ZFAT: variants seen among roughly 807,000 people sequenced by gnomAD.
ZFAT encodes the protein zinc finger and AT-hook domain containing, also known as zinc finger protein ZFAT.
ZFAT carries 64 observed loss-of-function variants against 117.7 expected under a neutral mutation model. That is an observed-to-expected ratio of 0.54 (90% CI 0.44 to 0.67). The LOEUF (loss-of-function observed/expected upper bound fraction) is 0.67. ZFAT is among the 30% of genes least tolerant of loss of function. ZFAT has a pLI of 0.00. For missense variants in ZFAT, 1,433 were observed against 1,584.5 expected (o/e 0.90, Z 1.62); for synonymous variants, 679 against 615.0 (o/e 1.10, Z -1.54).
rs112874975 is a variant in ZFAT at position 134,565,199 on chromosome 8, C to A, written c.2976+134G>T. The A allele has an allele frequency of 2.3e-3, 3,554 of 1,540,208 alleles. 73 individuals carry two copies. The African/African-American group carries it at 0.042, about 18-fold the overall frequency. ...AAGCTGCACTATGCCTCAGACTCCA[C>A]GTGTACCAGCTAAGGGGGCCCCAAA... On this transcript the variant is annotated intron_variant, in intron 11 of 15. Coordinates refer to ENST00000377838, the MANE Select transcript of ZFAT (RefSeq NM_020863.4).
At chr8:134,631,149 A>G (rs1428831296) in intron 3 of ZFAT, among the ~76,000 whole-genome samples, 1 of 152,230 alleles carries the variant, frequency 6.6e-6, no homozygotes, top group Non-Finnish European at 1.5e-5. Context: ...AATCAATGGA[A>G]TAGGAGGCCA....
chr8:134,725,006 C>A, the ZFAT span, among the ~76,000 whole-genome samples: 16 of 152,302 alleles, frequency 1.1e-4, no homozygotes, highest in Admixed American at 4.6e-4. Flanking sequence ...CTCCCTGGGG[C>A]CTTGCTTGAG....
At chr8:134,569,997 A>C (rs1260303962) in intron 10 of ZFAT, among the ~76,000 whole-genome samples, 1 of 152,014 alleles carries the variant, frequency 6.6e-6, no homozygotes, top group Admixed American at 6.5e-5. Context: ...CCAGAGCAAA[A>C]GCCAAGAGCT....
At chr8:134,739,355 A>T in the ZFAT span, among the ~76,000 whole-genome samples, 41 of 152,058 alleles carry the variant, frequency 2.7e-4, no homozygotes, top group Admixed American at 9.2e-4. Context: ...TTGAACCGGG[A>T]TATGGGAGTA....
intron 15 of ZFAT, among the ~76,000 whole-genome samples, chr8:134,508,295 C>T (rs897352816): frequency 2.0e-5 from 3 of 152,242 alleles, no homozygotes; most frequent in African/African-American, 7.2e-5. Flanking sequence ...GTTGTGGAGA[C>T]AGCGCTGGGA....
intron 3 of ZFAT, among the ~76,000 whole-genome samples, chr8:134,616,628 C>T (rs1252814529): frequency 2.0e-5 from 3 of 152,222 alleles, no homozygotes; most frequent in Non-Finnish European, 4.4e-5. Context: ...ATGCTCCCCT[C>T]CAGCTTCCTT....
At chr8:134,680,279 A>AG (rs1833013914) in intron 1 of ZFAT, among the ~76,000 whole-genome samples, 1 of 151,620 alleles carries the variant, frequency 6.6e-6, no homozygotes, top group South Asian at 2.1e-4. Flanking sequence ...AAAAAAAAAA[A>AG]AAGAATTTGA....
At chr8:134,519,223 A>G (rs1466886622) in intron 13 of ZFAT, among the ~76,000 whole-genome samples, 2 of 152,302 alleles carry the variant, frequency 1.3e-5, no homozygotes, top group East Asian at 3.9e-4. Flanking sequence ...TATTGTATAA[A>G]TTACTTTCAG....
chr8:134,610,496 AC>A lies in ZFAT; in HGVS notation c.607del (p.Val203PhefsTer2), dbSNP rs1477017480. On this transcript the variant is annotated frameshift_variant, in exon 4 of 16. Transcript: ENST00000377838. LOFTEE classifies it high-confidence loss of function. ...TGGAATTGCTTCGTGTGCAGTTAAAACCACACTTATGATGGGTTTCTTCGCC... is the reference window on the plus strand; with the variant it reads ...TGGAATTGCTTCGTGTGCAGTTAAAACACACTTATGATGGGTTTCTTCGCC... ...SGAKKPIISV[V>X]LTAHEAIPGA... The A allele has an allele frequency of 6.2e-7, 1 of 1,613,794 alleles. No individual in the cohort carries two copies. Among genetic ancestry groups the A allele is most frequent in the Non-Finnish European group, 8.5e-7 (1 of 1,179,986 alleles).
At chr8:134,710,193 C>T (rs557868889) in intron 1 of ZFAT, among the ~76,000 whole-genome samples, 15 of 152,258 alleles carry the variant, frequency 9.9e-5, no homozygotes, top group African/African-American at 3.6e-4. Flanking sequence ...AGGCACCAAT[C>T]GAAAAGATAT....
chr8:134,656,897 C>T (rs1210202681), intron 2 of ZFAT, among the ~76,000 whole-genome samples: 3 of 152,188 alleles, frequency 2.0e-5, no homozygotes, highest in Non-Finnish European at 4.4e-5. Context: ...CCTGCTGCAT[C>T]GGATAACCAC....
At chr8:134,677,447 A>T (rs1233045104) in intron 1 of ZFAT, among the ~76,000 whole-genome samples, 2 of 152,330 alleles carry the variant, frequency 1.3e-5, no homozygotes, top group South Asian at 4.1e-4. Flanking sequence ...TGAGGCAGTA[A>T]TGAATAGCCT....
At chr8:134,696,041 A>AC (rs1438274782) in intron 1 of ZFAT, among the ~76,000 whole-genome samples, 2 of 142,724 alleles carry the variant, frequency 1.4e-5, no homozygotes, top group South Asian at 4.5e-4. Context: ...CCAAGGAGGC[A>AC]CCATCCCCAG....
chr8:134,622,967 C>T (rs529822177), intron 3 of ZFAT, among the ~76,000 whole-genome samples: 1 of 152,262 alleles, frequency 6.6e-6, no homozygotes, highest in East Asian at 1.9e-4. Flanking sequence ...TAGACCAGAA[C>T]ATACTTTTAC....
chr8:134,535,534 T>C (rs1352965663), intron 11 of ZFAT, among the ~76,000 whole-genome samples: 1 of 117,274 alleles, frequency 8.5e-6, no homozygotes, highest in African/African-American at 3.3e-5. Flanking sequence ...TCTCTCAATC[T>C]GGTCAGTCAA....
At chr8:134,563,313 G>T (rs548471436) in intron 11 of ZFAT, among the ~76,000 whole-genome samples, 1 of 152,218 alleles carries the variant, frequency 6.6e-6, no homozygotes, top group South Asian at 2.1e-4. Flanking sequence ...CTCCCTTTCT[G>T]CCCCCAACAA....
chr8:134,779,040 C>A, the ZFAT span, among the ~76,000 whole-genome samples: 3 of 152,120 alleles, frequency 2.0e-5, no homozygotes, highest in African/African-American at 7.2e-5. Context: ...TGAATGATTT[C>A]TTTTTAAAGA....
chr8:134,804,180 T>G, the ZFAT span, among the ~76,000 whole-genome samples: 2 of 152,168 alleles, frequency 1.3e-5, no homozygotes, highest in African/African-American at 4.8e-5. Flanking sequence ...ATAGATACAA[T>G]ACAGCTGCTT....
In ZFAT at chr8:134,495,356, G is replaced by A. The variant is rs529909222; in HGVS notation, c.3492+14263C>T. ...CTCCTCTCTTATTAAGGCACTCATC[G>A]CATTCATGGGGCTCCACTCACACGA... On this transcript the variant is annotated intron_variant, in intron 15 of 15. Transcript: ENST00000377838. 1.3e-4 allele frequency among the ~76,000 whole-genome samples: 20 copies of A among 152,174 alleles called. No homozygotes were observed. In the East Asian group the frequency reaches 2.3e-3, roughly 18 times the overall value.
Sources: gnomAD v4.1 joint callset for allele counts (sites outside exome capture counted in the v4.1 genomes callset) on GRCh38, gnomAD v4.1.1 for gene constraint, MANE v1.5 for transcripts, NCBI Gene and HGNC (gene_info 2026-07-23, HGNC 2026-07-21) for gene names.